AMPD2: variants seen among roughly 807,000 people sequenced by gnomAD.
AMPD2 encodes the protein AMP deaminase 2.
AMPD2 carries 52 observed loss-of-function variants against 91.3 expected under a neutral mutation model. The ratio of observed to expected loss-of-function variants is 0.57; its 90% CI spans 0.46 to 0.72. AMPD2 has a LOEUF of 0.72. AMPD2 is among the 30% of genes least tolerant of loss of function. AMPD2 has a pLI of 0.00. For synonymous variants in AMPD2, 455 were observed against 456.4 expected, an observed-to-expected ratio of 1.00 and a Z score of 0.04; for missense variants, 822 against 1,122.3, an observed-to-expected ratio of 0.73 and a Z score of 3.82.
At chr1:109,626,997 T>C (rs1650746847) in intron 7 of AMPD2, 85 bp downstream of exon 7, 1 of 1,551,982 alleles carries the variant, frequency 6.4e-7, no homozygotes, top group African/African-American at 1.4e-5. Context: ...CTGCCCTGCC[T>C]GCCTCTCCCT....
intron 17 of AMPD2, 79 bp downstream of exon 17, chr1:109,630,485 G>A (rs1282040519): frequency 2.4e-6 from 3 of 1,252,560 alleles, no homozygotes; most frequent in East Asian, 5.1e-5. Context: ...GGGCGGTGGG[G>A]GGGGCGGTCT....
chr1:109,628,726 G>T lies in AMPD2; in HGVS notation c.1491G>T (p.Trp497Cys). The T allele has an allele frequency of 6.2e-7, 1 of 1,610,964 alleles. No individual in the cohort carries two copies. Among genetic ancestry groups the T allele is most frequent in the Non-Finnish European group, 8.5e-7 (1 of 1,178,522 alleles). ...TTTACGGGCGCTCGAGGGATGAGTG[G>T]GACAAGCTGGCGCGCTGGGCCGTCA... ...LSIYGRSRDE[W>C]DKLARWAVMH... Residue 497 changes from tryptophan (W) to cysteine (C), a missense_variant, in exon 13 of 19, where the codon TGG becomes TGT. Coordinates refer to ENST00000528667, the MANE Select transcript of AMPD2 (RefSeq NM_001368809.2). This position sits in a 1 kb window ranked among gnomAD's most constrained non-coding sequence, Gnocchi z 7.1.
At position 109,625,560 on chromosome 1, in the gene AMPD2, A is replaced by G; in HGVS notation, c.223-102A>G. ...TGTCTCCTGATCCTCAGCCTCTCCCAGGTACCCCTGGTCCTGCTGCCCTCA... is the reference window on the plus strand; with the variant it reads ...TGTCTCCTGATCCTCAGCCTCTCCCGGGTACCCCTGGTCCTGCTGCCCTCA... On this transcript the variant is annotated intron_variant, in intron 3 of 18. Transcript: ENST00000528667. This position sits in a 1 kb window ranked among gnomAD's most constrained non-coding sequence, Gnocchi z 4.0. The G allele has an allele frequency of 6.3e-7, 1 of 1,594,566 alleles. No homozygotes were observed. Among genetic ancestry groups the G allele is most frequent in the South Asian group, 1.1e-5 (1 of 89,182 alleles).
At position 109,625,454 on chromosome 1, in the gene AMPD2, C is replaced by G; in HGVS notation, c.222+21C>G. 1.9e-6 allele frequency: 3 copies of G among 1,613,802 alleles called. No homozygotes were observed. Among genetic ancestry groups the G allele is most frequent in the Non-Finnish European group, 2.5e-6 (3 of 1,179,936 alleles). On this transcript the variant is annotated intron_variant, in intron 3 of 18. Transcript: ENST00000528667. The surrounding 1 kb of genome is among the most constrained non-coding windows in gnomAD (Gnocchi z 4.0). The stretch of plus-strand genomic sequence containing the variant: ...CCGAGGTATCACCTGGCACCACCCG[C>G]ACCCTCACCCCGTGTCTCCATGCCC...
Position 109,625,344 on chromosome 1 carries a change from C to G in AMPD2, c.133C>G (p.Arg45Gly), listed in dbSNP as rs747466574. The change falls in exon 3 of 19, where the codon CGA (arginine) becomes GGA (glycine). Residue 45 changes from arginine (R) to glycine (G), a missense_variant. By Grantham distance (125) the Arg-to-Gly change is moderately radical. Transcript: ENST00000528667. The surrounding 1 kb of genome is among the most constrained non-coding windows in gnomAD (Gnocchi z 4.0). ...GLGAPPLQSA[R>G]SLPGPAPCLK... Reference sequence around the variant, plus strand: ...GGGGGCCCCTCCGCTGCAGTCTGCCCGATCCCTGCCGGGCCCCGCCCCCTG... The same window carrying G: ...GGGGGCCCCTCCGCTGCAGTCTGCCGGATCCCTGCCGGGCCCCGCCCCCTG... 1.2e-6 allele frequency: 2 copies of G among 1,613,548 alleles called. No individual in the cohort carries two copies. Among genetic ancestry groups the G allele is most frequent in the East Asian group, 2.2e-5 (1 of 44,856 alleles).
Position 109,631,162 on chromosome 1 carries a change from A to G in AMPD2, c.*10A>G, listed in dbSNP as rs1218821971. 2.6e-6 allele frequency: 4 copies of G among 1,568,288 alleles called. No individual in the cohort carries two copies. Among genetic ancestry groups the G allele is most frequent in the East Asian group, 2.3e-5 (1 of 42,668 alleles). On this transcript the variant is annotated 3_prime_UTR_variant, in exon 19 of 19. Transcript: ENST00000528667. The stretch of plus-strand genomic sequence containing the variant: ...CCCAGGGCCTCAATGAGCCTGGTCC[A>G]TGAAGTGCCCACCACATCGCAGCAC...
chr1:109,629,644 C>G (rs1389956810), intron 15 of AMPD2, 152 bp from the exon 16 acceptor site: 4 of 1,433,474 alleles, frequency 2.8e-6, no homozygotes, highest in Non-Finnish European at 3.8e-6. Flanking sequence ...ATCTGTCACC[C>G]CTCACAGCCA....
Position 109,630,740 on chromosome 1 carries a change from G to T in AMPD2, c.2215G>T (p.Asp739Tyr), listed in dbSNP as rs587777394. ...ATQVWKLSSCDMCELARNSVL... is the reference protein window; with the variant it reads ...ATQVWKLSSCYMCELARNSVL... Reference sequence around the variant, plus strand: ...CCAGGTGTGGAAGCTCAGCTCCTGCGATATGTGTGAGCTGGCCCGCAACAG... The same window carrying T: ...CCAGGTGTGGAAGCTCAGCTCCTGCTATATGTGTGAGCTGGCCCGCAACAG... The change falls in exon 18 of 19, where the codon GAT becomes TAT. Residue 739 changes from aspartate to tyrosine, a missense_variant. Physicochemically the swap from Asp to Tyr is radical, Grantham distance 160. This residue lies in a region of AMPD2 where 430 missense variants were observed against 606.0 expected (regional missense o/e 0.71). Transcript: ENST00000528667. The T allele has an allele frequency of 6.2e-7, 1 of 1,612,074 alleles. No homozygotes were observed. Among genetic ancestry groups the T allele is most frequent in the Non-Finnish European group, 8.5e-7 (1 of 1,179,406 alleles).
chr1:109,620,753 T>C, intron 1 of AMPD2, 161 bp from the exon 2 acceptor site: 1 of 1,265,136 alleles, frequency 7.9e-7, no homozygotes, highest in South Asian at 2.7e-5. Context: ...TATTCTTTTT[T>C]CTTCCAGGCT....
chr1:109,629,688 G>A (rs1188993055), intron 15 of AMPD2, 108 bp from the exon 16 acceptor site: 9 of 1,493,568 alleles, frequency 6.0e-6, no homozygotes, highest in South Asian at 1.3e-5. Context: ...TCCCAGGCCT[G>A]CATAGTTATT....
rs756686298 is a variant in AMPD2 at position 109,630,773 on chromosome 1, A to G, written c.2248A>G (p.Met750Val). Residue 750 changes from methionine (M) to valine (V), a missense_variant, in exon 18 of 19, where the codon ATG (methionine) becomes GTG (valine). This residue lies in a region of AMPD2 where 430 missense variants were observed against 606.0 expected (regional missense o/e 0.71). Coordinates refer to ENST00000528667, the MANE Select transcript of AMPD2 (RefSeq NM_001368809.2). Reference protein sequence around the residue: ...MCELARNSVLMSGFSHKVKSH... With the variant: ...MCELARNSVLVSGFSHKVKSH... ...TGAGCTGGCCCGCAACAGCGTGCTC[A>G]TGAGCGGCTTCTCGCACAAGGTACT... The G allele has an allele frequency of 1.2e-6, 2 of 1,610,452 alleles. No homozygotes were observed. The highest frequency in any genetic ancestry group is 1.7e-6 in the Non-Finnish European group (2 of 1,178,600).
chr1:109,627,959 C>T, intron 10 of AMPD2, 56 bp downstream of exon 10: 1 of 1,609,844 alleles, frequency 6.2e-7, no homozygotes. Context: ...TCTGCCCAGC[C>T]TCCCCTTCAA....
Position 109,628,525 on chromosome 1 carries a change from C to T in AMPD2, c.1407+30C>T, listed in dbSNP as rs201426439. ...GGAGGCAGCCTTCCCTGCCAAGCCT[C>T]GAGCCTGAGGATCTGGGGGCTTTTA... On this transcript the variant is annotated intron_variant, in intron 12 of 18. Transcript: ENST00000528667. This position sits in a 1 kb window ranked among gnomAD's most constrained non-coding sequence, Gnocchi z 7.1. 18 of 1,612,226 alleles carry T rather than the reference C, an allele frequency of 1.1e-5. No homozygotes were observed. In the East Asian group the frequency reaches 1.6e-4, roughly 14 times the overall value.
At chr1:109,621,478 A>G in intron 2 of AMPD2, 1 of 663,500 alleles carries the variant, frequency 1.5e-6, no homozygotes, top group Non-Finnish European at 2.7e-6. Context: ...TGTGCCAGGG[A>G]TGCTGTCCTC....
Position 109,625,954 on chromosome 1 carries a change from G to A in AMPD2, c.353+162G>A. The A allele has an allele frequency of 7.9e-7, 1 of 1,267,470 alleles. No homozygotes were observed. Among genetic ancestry groups the A allele is most frequent in the South Asian group, 1.4e-5 (1 of 69,872 alleles). 78.5% of individuals were successfully genotyped at this position (1,267,470 alleles called of 1,614,324 possible). A position where few individuals can be genotyped will look rare whatever the true frequency, so the allele number is the denominator to read the frequency against. ...CTGCTGGGTTCTGTTCTGTCTTCTA[G>A]CCGCCGGTGTGGCTGGGTCATGTTG... On this transcript the variant is annotated intron_variant, in intron 4 of 18. Coordinates refer to ENST00000528667, the MANE Select transcript of AMPD2 (RefSeq NM_001368809.2). This position sits in a 1 kb window ranked among gnomAD's most constrained non-coding sequence, Gnocchi z 4.0.
At chr1:109,630,921 C>A in intron 18 of AMPD2, 22 bp from the exon 19 acceptor site, 2 of 1,613,106 alleles carry the variant, frequency 1.2e-6, no homozygotes, top group Non-Finnish European at 1.7e-6. Flanking sequence ...GCAGCCCTGC[C>A]CATTACCCCC....
Position 109,620,207 on chromosome 1 carries a change from G to A in AMPD2, c.-334G>A. The A allele has an allele frequency of 6.2e-7, 1 of 1,613,492 alleles. No individual in the cohort carries two copies. The highest frequency in any genetic ancestry group is 2.2e-5 in the East Asian group (1 of 44,870). On this transcript the variant is annotated 5_prime_UTR_variant, in exon 1 of 19. Coordinates refer to ENST00000528667, the MANE Select transcript of AMPD2 (RefSeq NM_001368809.2). ...GGCCCGATCCCCCTGCCGTCCCTCA[G>A]GACCCGGGCTTTCTGCTGTACAGAC...
In AMPD2 at chr1:109,625,830, C is replaced by G. The variant is rs1309088298; in HGVS notation, c.353+38C>G. The G allele has an allele frequency of 3.1e-6, 5 of 1,609,838 alleles. No individual in the cohort carries two copies. The highest frequency in any genetic ancestry group is 4.2e-6 in the Non-Finnish European group (5 of 1,177,212). ...GGCAGCTGCTTAGTCTCCCTCCATA[C>G]CCTTCCAGACCCTTTCAGAGCCCCT... is the stretch of plus-strand genomic sequence containing the variant. On this transcript the variant is annotated intron_variant, in intron 4 of 18. Coordinates refer to ENST00000528667, the MANE Select transcript of AMPD2 (RefSeq NM_001368809.2). The surrounding 1 kb of genome is among the most constrained non-coding windows in gnomAD (Gnocchi z 4.0).
Position 109,629,206 on chromosome 1 carries a change from C to T in AMPD2, c.1669C>T (p.His557Tyr). 6.2e-7 allele frequency: 1 copy of T among 1,614,180 alleles called. No individual in the cohort carries two copies. The part of the protein sequence containing the change: ...LFEATVHPAS[H>Y]PELHLFLEHV... Reference sequence around the variant, plus strand: ...CGAGGCCACTGTGCACCCTGCCAGCCACCCGGAACTGCATCTCTTCTTAGA... The same window carrying T: ...CGAGGCCACTGTGCACCCTGCCAGCTACCCGGAACTGCATCTCTTCTTAGA... The change falls in exon 14 of 19, where the codon CAC (histidine) becomes TAC (tyrosine). Residue 557 changes from histidine (H) to tyrosine (Y), a missense_variant. By Grantham distance (83) the His-to-Tyr change is moderately conservative (BLOSUM62 2). This residue lies in a region of AMPD2 where 430 missense variants were observed against 606.0 expected (regional missense o/e 0.71). Transcript: ENST00000528667.
Sources: allele counts gnomAD v4.1 joint callset, GRCh38; gene constraint gnomAD v4.1.1; regional missense constraint gnomAD v4.1.1; non-coding constraint Gnocchi (gnomAD v3.1); transcripts MANE v1.5; gene names NCBI Gene and HGNC (gene_info 2026-07-23, HGNC 2026-07-21).